Variants in F13A1 observed in about 807,000 individuals in gnomAD.
F13A1 encodes the protein coagulation factor XIII A chain, also known as FSF, A subunit.
In F13A1, 47 loss-of-function variants were observed where a neutral mutation model predicts 80.1. The ratio of observed to expected loss-of-function variants is 0.59; its 90% CI spans 0.46 to 0.75. The LOEUF is 0.75. Ranked by LOEUF, F13A1 falls within the 30% of genes least tolerant of loss-of-function variation. F13A1 has a pLI of 0.00. For missense variants in F13A1, 817 were observed against 930.4 expected (o/e 0.88, Z 1.59); for synonymous variants, 349 against 344.9 (o/e 1.01, Z -0.13).
At chr6:6,261,364 C>A (rs889585330) in intron 4 of F13A1, among the ~76,000 whole-genome samples, 1 of 152,226 alleles carries the variant, frequency 6.6e-6, no homozygotes, top group Non-Finnish European at 1.5e-5. Flanking sequence ...AAGCAATCCT[C>A]CTGCCTCAGC....
chr6:6,305,237 G>C, intron 3 of F13A1, 114 bp downstream of exon 3: 2 of 1,184,538 alleles, frequency 1.7e-6, no homozygotes, highest in South Asian at 2.5e-5. Flanking sequence ...TGTCATTCCA[G>C]CTCCTGCCAC....
chr6:6,168,999 G>T lies in F13A1; in HGVS notation c.1748-1381C>A, dbSNP rs150930418. On this transcript the variant is annotated intron_variant, in intron 12 of 14. Transcript: ENST00000264870. ...GAAGTCTCTTTACAGATGCGTAAGT[G>T]CTGTGCCTTGCTTCCAGGACTTCTG... Among the ~76,000 whole-genome samples, 27 of 152,332 alleles carry T rather than the reference G, an allele frequency of 1.8e-4. No homozygotes were observed. The East Asian group carries it at 4.8e-3, about 27-fold the overall frequency.
intron 8 of F13A1, among the ~76,000 whole-genome samples, chr6:6,212,172 C>A (rs2113036016): frequency 6.6e-6 from 1 of 152,362 alleles, no homozygotes; most frequent in East Asian, 1.9e-4. Flanking sequence ...TGGGTGGAGC[C>A]CACCACAGCT....
intron 3 of F13A1, among the ~76,000 whole-genome samples, chr6:6,270,874 A>G (rs938337057): frequency 1.3e-5 from 2 of 152,246 alleles, no homozygotes; most frequent in African/African-American, 2.4e-5. Context: ...AAAGGAGGTA[A>G]CAACTGAGTG....
chr6:6,152,105 G>A (rs1184831256), intron 13 of F13A1, among the ~76,000 whole-genome samples, 156 bp from the exon 14 acceptor site: 1 of 152,158 alleles, frequency 6.6e-6, no homozygotes, highest in Non-Finnish European at 1.5e-5. Flanking sequence ...TTTGACTGGA[G>A]GATACCTATT....
intron 6 of F13A1, among the ~76,000 whole-genome samples, chr6:6,229,225 G>A (rs1757317971): frequency 6.6e-6 from 1 of 151,988 alleles, no homozygotes; most frequent in African/African-American, 2.4e-5. Context: ...GAGACAGAAA[G>A]AGAGAGAGGG....
intron 8 of F13A1, among the ~76,000 whole-genome samples, chr6:6,203,577 A>G (rs895640637): frequency 1.3e-5 from 2 of 152,212 alleles, no homozygotes; most frequent in African/African-American, 2.4e-5. Context: ...AAGAACCTCA[A>G]TGAATTTGGA....
At chr6:6,167,387 C>CACATAT in intron 13 of F13A1, 71 bp downstream of exon 13, 1 of 1,484,956 alleles carries the variant, frequency 6.7e-7, no homozygotes, top group Non-Finnish European at 9.4e-7. Flanking sequence ...CATACAAGCA[C>CACATAT]GCATATGCAC....
chr6:6,319,283 G>A (rs796931207), intron 1 of F13A1, among the ~76,000 whole-genome samples: 7 of 152,334 alleles, frequency 4.6e-5, no homozygotes, highest in African/African-American at 1.7e-4. Context: ...TAGGGTTAGG[G>A]TGGAGCCCAA....
At chr6:6,252,779 C>T (rs1353941975) in intron 4 of F13A1, among the ~76,000 whole-genome samples, 1 of 152,060 alleles carries the variant, frequency 6.6e-6, no homozygotes, top group Non-Finnish European at 1.5e-5. Context: ...TCTATATGAC[C>T]AATGTGAACC....
intron 2 of F13A1, among the ~76,000 whole-genome samples, chr6:6,307,672 C>T (rs1001149918): frequency 1.3e-5 from 2 of 152,150 alleles, no homozygotes; most frequent in African/African-American, 4.8e-5. Flanking sequence ...TCTCACAGAA[C>T]AGCAATAGCA....
intron 4 of F13A1, among the ~76,000 whole-genome samples, chr6:6,257,530 T>G (rs1394385693): frequency 6.6e-6 from 1 of 152,152 alleles, no homozygotes; most frequent in African/African-American, 2.4e-5. Context: ...CCCTTCAGTA[T>G]AAAGTAGAGT....
intron 4 of F13A1, among the ~76,000 whole-genome samples, chr6:6,263,981 A>G (rs1757811056): frequency 6.6e-6 from 1 of 152,090 alleles, no homozygotes; most frequent in Admixed American, 6.6e-5. Context: ...CCTTCCTCCA[A>G]TCCTTTCCAT....
Position 6,185,515 on chromosome 6 carries a change from T to C in F13A1, c.1306-3374A>G, listed in dbSNP as rs553590262. Among the ~76,000 whole-genome samples the C allele has an allele frequency of 2.8e-4, 43 of 151,938 alleles. No homozygotes were observed. In the East Asian group the frequency reaches 5.4e-3, roughly 19 times the overall value. On this transcript the variant is annotated intron_variant, in intron 10 of 14. Coordinates refer to ENST00000264870, the MANE Select transcript of F13A1 (RefSeq NM_000129.4). Reference sequence around the variant, plus strand: ...AGATAGTTTACTGAGAATGATGATTTCCAATTTCATCCATGTCCCTACAAA... The same window carrying C: ...AGATAGTTTACTGAGAATGATGATTCCCAATTTCATCCATGTCCCTACAAA...
At position 6,222,151 on chromosome 6, in the gene F13A1, G is replaced by A. The variant is rs1281588775; in HGVS notation, c.994C>T (p.Pro332Ser). 2 of 1,613,850 alleles carry A rather than the reference G, an allele frequency of 1.2e-6. No homozygotes were observed. The highest frequency in any genetic ancestry group is 1.7e-6 in the Non-Finnish European group (2 of 1,179,896). ...FNTFLRCLGI[P>S]ARIVTNYFSA... ...AAATAATTGGTAACAATTCTTGCTG[G>A]TATTCCAAGGCATCGTAAAACTACA... The change falls in exon 8 of 15, where the codon CCA becomes TCA. Residue 332 changes from proline (P) to serine (S), a missense_variant. Transcript: ENST00000264870.
At position 6,266,733 on chromosome 6, in the gene F13A1, C is replaced by T. The variant is rs1757850595; in HGVS notation, c.396G>A (p.Gly132=). 1 of 1,614,026 alleles carries T rather than the reference C, an allele frequency of 6.2e-7. No individual in the cohort carries two copies. Among genetic ancestry groups the T allele is most frequent in the African/African-American group, 1.3e-5 (1 of 74,910 alleles). The change falls in exon 4 of 15, where the codon GGG becomes GGA. Residue 132 remains glycine, a synonymous_variant. Transcript: ENST00000264870. ...IVSELQSGKW[G]AKIVMREDRS... is the part of the protein sequence containing the mutation. ...TGTCCTCTCTCATGACAATCTTGGCCCCCCACTTTCCACTTTGTAACTCTG... is the reference window on the plus strand; with the variant it reads ...TGTCCTCTCTCATGACAATCTTGGCTCCCCACTTTCCACTTTGTAACTCTG...
chr6:6,282,876 G>A (rs1327845945), intron 3 of F13A1, among the ~76,000 whole-genome samples: 1 of 152,148 alleles, frequency 6.6e-6, no homozygotes, highest in Non-Finnish European at 1.5e-5. Context: ...GAGGCCTTTG[G>A]TGTGAGTGCA....
chr6:6,307,739 C>T (rs189073455), intron 2 of F13A1, among the ~76,000 whole-genome samples: 1 of 152,118 alleles, frequency 6.6e-6, no homozygotes. Flanking sequence ...TTCATGAGAG[C>T]CCTACTACTT....
chr6:6,311,700 TG>T (rs1409097853), intron 2 of F13A1, among the ~76,000 whole-genome samples: 3 of 113,364 alleles, frequency 2.6e-5, no homozygotes, highest in Admixed American at 1.8e-4. Flanking sequence ...TATTATATAA[TG>T]GATATAAACA....
Sources: allele counts gnomAD v4.1 joint callset (sites outside exome capture counted in the v4.1 genomes callset), GRCh38; gene constraint gnomAD v4.1.1; transcripts MANE v1.5; gene names NCBI Gene and HGNC (gene_info 2026-07-23, HGNC 2026-07-21).